Variants in SECISBP2 observed in about 807,000 individuals in gnomAD.
The protein encoded by SECISBP2 is SECIS binding protein 2, also known as selenocysteine insertion sequence-binding protein 2.
SECISBP2 carries 96 observed loss-of-function variants against 98.2 expected under a neutral mutation model. That is an observed-to-expected ratio of 0.98 (90% CI 0.83 to 1.16). The LOEUF (loss-of-function observed/expected upper bound fraction) is 1.16. SECISBP2 is among the 50% of genes most tolerant of loss of function. SECISBP2 has a pLI of 0.00. For synonymous variants in SECISBP2, 407 were observed against 370.2 expected (o/e 1.10, Z -1.14); for missense variants, 1,046 against 1,022.9 (o/e 1.02, Z -0.31).
chr9:89,319,567 T>G (rs1486316396), intron 1 of SECISBP2, 85 bp from the exon 2 acceptor site: 2 of 1,483,504 alleles, frequency 1.3e-6, no homozygotes, highest in Non-Finnish European at 1.9e-6. Flanking sequence ...CTGGGGCTAT[T>G]AGGAACACCT....
rs1479715648 is a variant in SECISBP2 at position 89,350,933 on chromosome 9, G to GC, written c.2113+82dup. 9.4e-6 allele frequency: 11 copies of GC among 1,165,500 alleles called. No homozygotes were observed. The East Asian group carries it at 2.4e-4, about 25-fold the overall frequency. The allele number at this position is 1,165,500 out of a possible 1,614,324, so 72.2% of individuals were successfully genotyped here. On this transcript the variant is annotated intron_variant, in intron 14 of 16. Coordinates refer to ENST00000375807, the MANE Select transcript of SECISBP2 (RefSeq NM_024077.5). ...GCCCTCGTGTTTGCCACACACCTCAGCGGCCCATGCCACAGGTCTTGACAA... is the reference window on the plus strand; with the variant it reads ...GCCCTCGTGTTTGCCACACACCTCAGCCGGCCCATGCCACAGGTCTTGACAA...
Position 89,334,713 on chromosome 9 carries a change from A to G in SECISBP2, c.1072A>G (p.Ile358Val). 1 of 1,613,224 alleles carries G rather than the reference A, an allele frequency of 6.2e-7. No homozygotes were observed. The highest frequency in any genetic ancestry group is 8.5e-7 in the Non-Finnish European group (1 of 1,179,748). ...TTCCTACAACAAAGAAAAACACATT[A>G]TTCATCCTACCCAAAAGGTACGTGT... ...DPSYNKEKHIIHPTQKSKASQ... is the reference protein window; with the variant it reads ...DPSYNKEKHIVHPTQKSKASQ... Residue 358 changes from isoleucine to valine, a missense_variant, in exon 7 of 17, where the codon ATT becomes GTT. Ile to Val is a conservative substitution (Grantham distance 29). Coordinates refer to ENST00000375807, the MANE Select transcript of SECISBP2 (RefSeq NM_024077.5).
chr9:89,350,366 C>G (rs893567765), intron 13 of SECISBP2, among the ~76,000 whole-genome samples: 3 of 152,202 alleles, frequency 2.0e-5, no homozygotes, highest in African/African-American at 7.2e-5. Context: ...GGGGTAGTGG[C>G]TGAGATGGGG....
chr9:89,323,709 C>G (rs1826196850), intron 2 of SECISBP2: 1 of 152,268 alleles, frequency 6.6e-6, no homozygotes, highest in South Asian at 2.1e-4. Context: ...CTCCTGGCAT[C>G]TGGAATTTCC....
At chr9:89,354,791 C>T (rs1267994096) in intron 14 of SECISBP2, 29 of 985,290 alleles carry the variant, frequency 2.9e-5, no homozygotes, top group Non-Finnish European at 3.0e-5. Context: ...TTCAGATTCA[C>T]TCCCGGGAGC....
intron 9 of SECISBP2, among the ~76,000 whole-genome samples, chr9:89,341,063 TG>T (rs1439702370): frequency 6.6e-6 from 1 of 152,054 alleles, no homozygotes; most frequent in African/African-American, 2.4e-5. Flanking sequence ...GCTAGTGTCT[TG>T]CCTGTAGATG....
downstream of SECISBP2, chr9:89,364,047 T>G: frequency 6.2e-7 from 1 of 1,607,308 alleles, no homozygotes; most frequent in Non-Finnish European, 8.5e-7. Flanking sequence ...CTGTCCCAGT[T>G]GGACCTGAAG....
intron 7 of SECISBP2, among the ~76,000 whole-genome samples, chr9:89,336,098 T>TTTTTTTTTTTTTTTTTC (rs1554720217): frequency 7.2e-6 from 1 of 138,616 alleles, no homozygotes; most frequent in Non-Finnish European, 1.6e-5. Context: ...TTTTTTTTTT[T>TTTTTTTTTTTTTTTTTC]TTTTTTTTTT....
At chr9:89,334,094 A>G in intron 6 of SECISBP2, 1 of 1,123,476 alleles carries the variant, frequency 8.9e-7, no homozygotes, top group Non-Finnish European at 1.1e-6. Flanking sequence ...ATAAATTACC[A>G]GTTATTGTGA....
chr9:89,350,923 A>G, intron 14 of SECISBP2, 71 bp downstream of exon 14: 1 of 1,311,200 alleles, frequency 7.6e-7, no homozygotes, highest in South Asian at 1.2e-5. Flanking sequence ...CGTGTTTGCC[A>G]CACACCTCAG....
chr9:89,348,024 C>T, intron 11 of SECISBP2, 55 bp from the exon 12 acceptor site: 3 of 1,523,248 alleles, frequency 2.0e-6, no homozygotes, highest in Non-Finnish European at 2.7e-6. Context: ...TGCAGAAGAG[C>T]TTATCTTTTA....
At chr9:89,339,759 A>C in intron 8 of SECISBP2, 105 bp from the exon 9 acceptor site, 2 of 821,634 alleles carry the variant, frequency 2.4e-6, no homozygotes, top group Admixed American at 4.1e-5. Flanking sequence ...TTTTTAAATC[A>C]CTTTTAAGGG....
chr9:89,356,618 T>A (rs1486228333), intron 14 of SECISBP2: 2 of 151,986 alleles, frequency 1.3e-5, no homozygotes, highest in Non-Finnish European at 2.9e-5. Context: ...ACCACCACAC[T>A]GGGCAAATTT....
At chr9:89,327,556 A>AT (rs1000295951) in intron 4 of SECISBP2, among the ~76,000 whole-genome samples, 48 of 151,558 alleles carry the variant, frequency 3.2e-4, no homozygotes, top group African/African-American at 5.6e-4. Flanking sequence ...TTTTCTATTA[A>AT]TTTTTTTTTA....
intron 3 of SECISBP2, 76 bp from the exon 4 acceptor site, chr9:89,325,821 A>G (rs1057232906): frequency 1.3e-6 from 2 of 1,598,282 alleles, no homozygotes; most frequent in African/African-American, 1.3e-5. Context: ...AATTGTGAAT[A>G]CTTAATATTT....
chr9:89,334,397 T>C, intron 6 of SECISBP2, 125 bp from the exon 7 acceptor site: 1 of 912,240 alleles, frequency 1.1e-6, no homozygotes, highest in African/African-American at 1.6e-5. Flanking sequence ...AAGAGGATGT[T>C]TTAAATGATA....
At chr9:89,342,521 C>T (rs1829803948) in intron 10 of SECISBP2, among the ~76,000 whole-genome samples, 3 of 152,160 alleles carry the variant, frequency 2.0e-5, no homozygotes, top group Admixed American at 2.0e-4. Context: ...AGAAACAGCG[C>T]AAATGTTCAT....
intron 12 of SECISBP2, among the ~76,000 whole-genome samples, chr9:89,349,226 G>A (rs1203615473): frequency 6.6e-6 from 1 of 152,156 alleles, no homozygotes; most frequent in Non-Finnish European, 1.5e-5. Context: ...ATTGCATTTT[G>A]ATAGTCGGTA....
downstream of SECISBP2, chr9:89,363,758 A>C (rs1564477838): frequency 6.2e-7 from 1 of 1,613,194 alleles, no homozygotes; most frequent in African/African-American, 1.3e-5. Flanking sequence ...CATCACAGCA[A>C]CCTGCACCTT....
Sources: allele counts gnomAD v4.1 joint callset (sites outside exome capture counted in the v4.1 genomes callset), GRCh38; gene constraint gnomAD v4.1.1; transcripts MANE v1.5; gene names NCBI Gene and HGNC (gene_info 2026-07-23, HGNC 2026-07-21).